DYNC2H1: variants seen among roughly 807,000 people sequenced by gnomAD.
The protein encoded by DYNC2H1 is cytoplasmic dynein 2 heavy chain 1.
A neutral mutation model predicts 570.0 loss-of-function variants in DYNC2H1; 410 were observed. The ratio of observed to expected loss-of-function variants is 0.72; its 90% confidence interval spans 0.66 to 0.78. DYNC2H1 has a LOEUF of 0.78. Ranked by LOEUF, DYNC2H1 falls within the 30% of genes least tolerant of loss-of-function variation. The pLI, the probability that DYNC2H1 is intolerant of heterozygous loss-of-function variation, is 0.00. For synonymous variants in DYNC2H1, 1,688 were observed against 1,677.6 expected, an observed-to-expected ratio of 1.01 and a Z score of -0.15; for missense variants, 4,865 against 5,046.4, an observed-to-expected ratio of 0.96 and a Z score of 1.09.
intron 83 of DYNC2H1, among the ~76,000 whole-genome samples, chr11:103,386,326 G>C (rs1006510443): frequency 6.6e-6 from 1 of 151,798 alleles, no homozygotes; most frequent in Non-Finnish European, 1.5e-5. Flanking sequence ...ATTATTTTTT[G>C]TTTTCTCATT....
chr11:103,121,537 A>G (rs746590671), intron 10 of DYNC2H1, 41 bp downstream of exon 10: 29 of 1,592,580 alleles, frequency 1.8e-5, no homozygotes, highest in Non-Finnish European at 2.4e-5. Context: ...TAATTATAAA[A>G]TCTGCTAAAT....
intron 85 of DYNC2H1, among the ~76,000 whole-genome samples, chr11:103,452,222 G>C (rs1229391163): frequency 6.6e-6 from 1 of 152,020 alleles, no homozygotes; most frequent in Non-Finnish European, 1.5e-5. Flanking sequence ...ATTTTTACTT[G>C]ATTATGATCA....
Position 103,133,814 on chromosome 11 carries a change from TA to T in DYNC2H1, c.2106+108del. On this transcript the variant is annotated intron_variant, in intron 14 of 88. Transcript: ENST00000375735. The surrounding 1 kb of genome is among the most constrained non-coding windows in gnomAD (Gnocchi z 4.8). ...TTTGAAATAATTTGAGACTTAAAGT[TA>T]CAAAAATAGTACAGAGAAATCACAA... 8.3e-7 allele frequency: 1 copy of T among 1,205,122 alleles called. No homozygotes were observed. The highest frequency in any genetic ancestry group is 1.1e-6 in the Non-Finnish European group (1 of 886,862). 74.7% of individuals were successfully genotyped at this position (1,205,122 alleles called of 1,614,324 possible).
intron 84 of DYNC2H1, among the ~76,000 whole-genome samples, chr11:103,424,139 G>T (rs1228366686): frequency 6.6e-6 from 1 of 151,976 alleles, no homozygotes; most frequent in Non-Finnish European, 1.5e-5. Context: ...GTATTTTGGG[G>T]GATTGATAAA....
chr11:103,220,444 G>C (rs944615672), intron 56 of DYNC2H1, among the ~76,000 whole-genome samples, 179 bp from the exon 57 acceptor site: 3 of 152,146 alleles, frequency 2.0e-5, no homozygotes, highest in Non-Finnish European at 2.9e-5. Context: ...ACGTCTTACT[G>C]TCTCAAGTTG....
chr11:103,392,256 C>G (rs984275466), intron 83 of DYNC2H1, among the ~76,000 whole-genome samples: 31 of 152,232 alleles, frequency 2.0e-4, no homozygotes, highest in Admixed American at 1.9e-3. Context: ...GACTGCTGTG[C>G]TAGCAATGAG....
chr11:103,109,821 G>C, intron 1 of DYNC2H1, 52 bp downstream of exon 1: 1 of 1,548,970 alleles, frequency 6.5e-7, no homozygotes, highest in South Asian at 1.2e-5. Flanking sequence ...CAAGTCCCCA[G>C]GCCCAGCCAG....
Position 103,199,548 on chromosome 11 carries a change from G to A in DYNC2H1, c.8088+72G>A. The A allele has an allele frequency of 7.4e-7, 1 of 1,352,730 alleles. No homozygotes were observed. Among genetic ancestry groups the A allele is most frequent in the South Asian group, 2.2e-5 (1 of 45,480 alleles). 83.8% of individuals were successfully genotyped at this position (1,352,730 alleles called of 1,614,324 possible). A position where few individuals can be genotyped will look rare whatever the true frequency, so the allele number is the denominator to read the frequency against. On this transcript the variant is annotated intron_variant, in intron 49 of 88. Transcript: ENST00000375735. This position sits in a 1 kb window ranked among gnomAD's most constrained non-coding sequence, Gnocchi z 4.6. The stretch of plus-strand genomic sequence containing the variant: ...GGTTATTACTCTAAACATCTTTAAA[G>A]ACCTAAAGGTTTAAAGAACTAAAGT...
chr11:103,281,554 A>C (rs1866133415), intron 71 of DYNC2H1, among the ~76,000 whole-genome samples: 1 of 151,804 alleles, frequency 6.6e-6, no homozygotes, highest in Admixed American at 6.6e-5. Context: ...GTTTTTCCAC[A>C]TTGCTCTCAA....
At position 103,245,540 on chromosome 11, in the gene DYNC2H1, G is replaced by T. The variant is rs1864581927; in HGVS notation, c.10042+166G>T. Among the ~76,000 whole-genome samples the T allele has an allele frequency of 6.6e-6, 1 of 152,074 alleles. No homozygotes were observed. Among genetic ancestry groups the T allele is most frequent in the Non-Finnish European group, 1.5e-5 (1 of 67,990 alleles). ...GTTGTGACAATATGTGTAAAATGTT[G>T]TTTATCAGGAAAGCTCAGTAGAGAC... On this transcript the variant is annotated intron_variant, in intron 65 of 88. Transcript: ENST00000375735. The surrounding 1 kb of genome is among the most constrained non-coding windows in gnomAD (Gnocchi z 4.5).
intron 75 of DYNC2H1, among the ~76,000 whole-genome samples, chr11:103,298,820 C>A (rs903506216): frequency 1.3e-5 from 2 of 152,084 alleles, no homozygotes; most frequent in Non-Finnish European, 2.9e-5. Context: ...TTTTTATAAT[C>A]TGTAAACCTT....
At chr11:103,263,071 G>A (rs761188747) in intron 70 of DYNC2H1, among the ~76,000 whole-genome samples, 1 of 144,530 alleles carries the variant, frequency 6.9e-6, no homozygotes, top group Admixed American at 6.9e-5. Flanking sequence ...CCTAGTCTCT[G>A]ACAAAACAGA....
chr11:103,123,385 G>A (rs1168163619), intron 11 of DYNC2H1, among the ~76,000 whole-genome samples: 1 of 152,068 alleles, frequency 6.6e-6, no homozygotes, highest in Non-Finnish European at 1.5e-5. Context: ...AACTCCTTGA[G>A]ACAGAGTATT....
At chr11:103,440,342 T>G (rs572935014) in intron 85 of DYNC2H1, among the ~76,000 whole-genome samples, 1 of 152,294 alleles carries the variant, frequency 6.6e-6, no homozygotes, top group African/African-American at 2.4e-5. Context: ...GGTTTGCCAT[T>G]AATACTTACA....
intron 54 of DYNC2H1, among the ~76,000 whole-genome samples, chr11:103,214,633 G>A (rs1334448168): frequency 6.6e-6 from 1 of 151,512 alleles, no homozygotes; most frequent in Non-Finnish European, 1.5e-5. Context: ...AGTAGAGATG[G>A]GGTTTCATCA....
chr11:103,301,769 T>C (rs1023365433), intron 75 of DYNC2H1, among the ~76,000 whole-genome samples: 1 of 151,930 alleles, frequency 6.6e-6, no homozygotes, highest in Non-Finnish European at 1.5e-5. Context: ...ATTGTCTCTT[T>C]TGACCCATCA....
chr11:103,148,449 G>A (rs1860353966), intron 19 of DYNC2H1, 41 bp from the exon 20 acceptor site: 4 of 1,532,564 alleles, frequency 2.6e-6, no homozygotes, highest in Non-Finnish European at 3.5e-6. Flanking sequence ...ATTTTTGATG[G>A]TAATAATTAA....
At chr11:103,149,448 A>C (rs1338675308) in intron 20 of DYNC2H1, among the ~76,000 whole-genome samples, 1 of 152,242 alleles carries the variant, frequency 6.6e-6, no homozygotes, top group Non-Finnish European at 1.5e-5. Flanking sequence ...AATTCAAATT[A>C]GTGTACAAAC....
rs968594558 is a variant in DYNC2H1, at chr11:103,212,133, T to A, written c.8694+190T>A. Reference sequence around the variant, plus strand: ...TTTTAGTGATGATTTGTATTTTTTTTAAAATTCAGTGGTTATTTCTTTTCT... The same window carrying A: ...TTTTAGTGATGATTTGTATTTTTTTAAAAATTCAGTGGTTATTTCTTTTCT... On this transcript the variant is annotated intron_variant, in intron 54 of 88. Coordinates refer to ENST00000375735, the MANE Select transcript of DYNC2H1 (RefSeq NM_001377.3). Among the ~76,000 whole-genome samples, 55 of 152,314 alleles carry A rather than the reference T, an allele frequency of 3.6e-4. 1 individual carries two copies. The highest frequency in any genetic ancestry group is 7.2e-4 in the Non-Finnish European group (49 of 68,020).
Sources: gnomAD v4.1 joint callset for allele counts (sites outside exome capture counted in the v4.1 genomes callset) on GRCh38, gnomAD v4.1.1 for gene constraint, Gnocchi (gnomAD v3.1) non-coding constraint, MANE v1.5 for transcripts, NCBI Gene and HGNC (gene_info 2026-07-23, HGNC 2026-07-21) for gene names.